Variants in CRIM1 observed in about 807,000 individuals in gnomAD.
CRIM1 encodes the protein cysteine rich transmembrane BMP regulator 1, also known as cysteine-rich motor neuron 1 protein.
Under a neutral mutation model 116.4 loss-of-function variants are expected in CRIM1, and 32 were observed. The ratio of observed to expected loss-of-function variants is 0.27; its 90% CI spans 0.21 to 0.37. CRIM1 has a LOEUF of 0.37. Ranked by LOEUF, CRIM1 falls within the 10% of genes least tolerant of loss-of-function variation. CRIM1 has a pLI of 1.00. For synonymous variants in CRIM1, 590 were observed against 509.2 expected (o/e 1.16, Z -2.13); for missense variants, 1,331 against 1,354.8 (o/e 0.98, Z 0.28).
chr2:36,366,953 G>A (rs950254379), intron 1 of CRIM1, among the ~76,000 whole-genome samples: 1 of 152,314 alleles, frequency 6.6e-6, no homozygotes, highest in African/African-American at 2.4e-5. Context: ...GGACCTTTCT[G>A]TGTGTGTGTT....
chr2:36,500,246 G>A (rs554570777), intron 8 of CRIM1, among the ~76,000 whole-genome samples: 27 of 152,210 alleles, frequency 1.8e-4, no homozygotes, highest in African/African-American at 6.0e-4. Context: ...TGGGAGGATC[G>A]CTTGAGCCTG....
At position 36,393,194 on chromosome 2, in the gene CRIM1, G is replaced by A. The variant is rs541242504; in HGVS notation, c.332-3420G>A. 3.6e-4 allele frequency among the ~76,000 whole-genome samples: 55 copies of A among 152,290 alleles called. No individual in the cohort carries two copies. The South Asian group carries it at 3.9e-3, about 11-fold the overall frequency. ...AGAAGTTGAAGTCTTAGAGCTGAAC[G>A]GGGGGAAGAGAGTAATGATAGATGA... On this transcript the variant is annotated intron_variant, in intron 1 of 16. Coordinates refer to ENST00000280527, the MANE Select transcript of CRIM1 (RefSeq NM_016441.3).
chr2:36,541,275 G>A (rs769662399), intron 14 of CRIM1, among the ~76,000 whole-genome samples: 4 of 152,108 alleles, frequency 2.6e-5, no homozygotes, highest in African/African-American at 4.8e-5. Flanking sequence ...AGCACTTCCC[G>A]GTCTGTCCAG....
At chr2:36,522,338 C>A (rs201032781) in intron 13 of CRIM1, 25 bp downstream of exon 13, 11 of 1,528,758 alleles carry the variant, frequency 7.2e-6, no homozygotes, top group Middle Eastern at 1.7e-4. Context: ...AAAAAAATCC[C>A]TCATCTCTAC....
intron 2 of CRIM1, among the ~76,000 whole-genome samples, chr2:36,435,024 T>C (rs981185053): frequency 3.3e-5 from 5 of 152,156 alleles, no homozygotes; most frequent in Non-Finnish European, 7.3e-5. Flanking sequence ...GGCATGGTGC[T>C]GTGTAGCTTT....
intron 6 of CRIM1, among the ~76,000 whole-genome samples, chr2:36,478,344 A>G (rs749583476): frequency 2.6e-4 from 40 of 152,196 alleles, no homozygotes; most frequent in Admixed American, 3.9e-4. Context: ...CCAGTCTGCA[A>G]TAGTTCTGAA....
At chr2:36,460,582 G>C (rs183553306) in intron 4 of CRIM1, among the ~76,000 whole-genome samples, 2 of 152,160 alleles carry the variant, frequency 1.3e-5, no homozygotes, top group Non-Finnish European at 2.9e-5. Context: ...TAAAACCTTA[G>C]CACTTCTGCT....
Position 36,441,298 on chromosome 2 carries a change from G to T in CRIM1, c.546G>T (p.Gln182His). 6 of 1,614,192 alleles carry T rather than the reference G, an allele frequency of 3.7e-6. No homozygotes were observed. The highest frequency in any genetic ancestry group is 5.1e-6 in the Non-Finnish European group (6 of 1,180,028). Residue 182 changes from glutamine to histidine, a missense_variant, in exon 3 of 17, where the codon CAG becomes CAT. Gln to His is a conservative substitution (Grantham distance 24). Around this residue, in one of 3 missense-constraint regions of CRIM1, gnomAD observed 690 missense variants for 676.0 expected, o/e 1.02. Coordinates refer to ENST00000280527, the MANE Select transcript of CRIM1 (RefSeq NM_016441.3). Reference protein sequence around the residue: ...PDCSKARCEVQFSPRCPEDSV... With the variant: ...PDCSKARCEVHFSPRCPEDSV... ...GCTCCAAGGCCCGCTGTGAAGTCCAGTTCTCTCCACGTTGTCCTGAAGATT... is the reference window on the plus strand; with the variant it reads ...GCTCCAAGGCCCGCTGTGAAGTCCATTTCTCTCCACGTTGTCCTGAAGATT...
intron 8 of CRIM1, among the ~76,000 whole-genome samples, chr2:36,502,046 A>G (rs1186114889): frequency 6.6e-6 from 1 of 152,198 alleles, no homozygotes; most frequent in Non-Finnish European, 1.5e-5. Flanking sequence ...ATGGGATCAT[A>G]TATATTAATA....
At chr2:36,545,228 GATTA>G (rs760352807) in intron 15 of CRIM1, among the ~76,000 whole-genome samples, 34 of 152,120 alleles carry the variant, frequency 2.2e-4, no homozygotes, top group African/African-American at 3.9e-4. Context: ...GCTTGAGAGA[GATTA>G]ATTGTCTGTT....
chr2:36,468,544 T>G (rs1678229659), intron 5 of CRIM1, among the ~76,000 whole-genome samples: 2 of 152,170 alleles, frequency 1.3e-5, no homozygotes, highest in South Asian at 4.1e-4. Context: ...GGTGGTATGA[T>G]TATGTTTCTT....
chr2:36,415,301 G>C (rs1457698110), intron 2 of CRIM1, among the ~76,000 whole-genome samples: 1 of 152,122 alleles, frequency 6.6e-6, no homozygotes, highest in Non-Finnish European at 1.5e-5. Flanking sequence ...GTGATTCTGA[G>C]TCCTTTTCTT....
At chr2:36,440,243 G>A (rs141721428) in intron 2 of CRIM1, among the ~76,000 whole-genome samples, 5 of 152,284 alleles carry the variant, frequency 3.3e-5, no homozygotes, top group African/African-American at 9.6e-5. Flanking sequence ...ACTAAACTAG[G>A]TGACCTTTTG....
chr2:36,445,366 T>A (rs936665810), intron 4 of CRIM1, among the ~76,000 whole-genome samples: 1 of 152,098 alleles, frequency 6.6e-6, no homozygotes, highest in East Asian at 1.9e-4. Context: ...CACTCTCCAT[T>A]CCATCTCTTT....
At chr2:36,359,658 C>T (rs984804803) in intron 1 of CRIM1, among the ~76,000 whole-genome samples, 6 of 152,122 alleles carry the variant, frequency 3.9e-5, no homozygotes, top group African/African-American at 1.4e-4. Flanking sequence ...GTCCTGTGCA[C>T]CATGTGAGAT....
chr2:36,469,693 A>G (rs756164934), intron 5 of CRIM1, among the ~76,000 whole-genome samples: 10 of 152,204 alleles, frequency 6.6e-5, no homozygotes, highest in Admixed American at 6.5e-5. Flanking sequence ...CACTGTCTAT[A>G]TAGCAATTAT....
chr2:36,385,473 A>G (rs1164307194), intron 1 of CRIM1, among the ~76,000 whole-genome samples: 1 of 152,104 alleles, frequency 6.6e-6, no homozygotes, highest in African/African-American at 2.4e-5. Context: ...TCGATGATAG[A>G]TTAGTTGAGA....
chr2:36,417,673 C>T (rs951500564), intron 2 of CRIM1, among the ~76,000 whole-genome samples: 1 of 152,174 alleles, frequency 6.6e-6, no homozygotes, highest in Non-Finnish European at 1.5e-5. Context: ...CAGTTAAACT[C>T]TAACCAAAGA....
intron 2 of CRIM1, among the ~76,000 whole-genome samples, chr2:36,436,449 A>G (rs947741616): frequency 6.6e-6 from 1 of 152,248 alleles, no homozygotes; most frequent in Admixed American, 6.5e-5. Flanking sequence ...CTTGAATCTT[A>G]TGCCTGCTAG....
Sources: allele counts gnomAD v4.1 joint callset (sites outside exome capture counted in the v4.1 genomes callset), GRCh38; gene constraint gnomAD v4.1.1; regional missense constraint gnomAD v4.1.1; transcripts MANE v1.5; gene names NCBI Gene and HGNC (gene_info 2026-07-23, HGNC 2026-07-21).